CLNK: variants seen among roughly 807,000 people sequenced by gnomAD.
CLNK encodes cytokine dependent hematopoietic cell linker.
CLNK carries 74 observed loss-of-function variants against 68.6 expected under a neutral mutation model. That is an observed-to-expected ratio of 1.08 (90% CI 0.89 to 1.31). The LOEUF is 1.31. Ranked by LOEUF, CLNK falls within the 50% of genes most tolerant of loss-of-function variation. CLNK has a pLI of 0.00. For synonymous variants in CLNK, 198 were observed against 172.2 expected, an observed-to-expected ratio of 1.15 and a Z score of -1.17; for missense variants, 553 against 515.3, an observed-to-expected ratio of 1.07 and a Z score of -0.71.
chr4:10,641,141 G>A (rs137862422), intron 2 of CLNK, among the ~76,000 whole-genome samples: 1 of 152,342 alleles, frequency 6.6e-6, no homozygotes, highest in African/African-American at 2.4e-5. Context: ...CCCTTAAGTA[G>A]AGAAGAACAG....
the CLNK span, among the ~76,000 whole-genome samples, chr4:10,699,279 CACA>C: frequency 3.1e-5 from 2 of 65,452 alleles, no homozygotes; most frequent in African/African-American, 5.6e-5. Flanking sequence ...ACACACACAC[CACA>C]TACGTGTATA....
intron 14 of CLNK, among the ~76,000 whole-genome samples, chr4:10,524,205 A>C (rs969827966): frequency 5.9e-5 from 9 of 152,114 alleles, no homozygotes; most frequent in Admixed American, 1.3e-4. Flanking sequence ...ATGAAGCTAC[A>C]TGTCCTAGTA....
chr4:10,591,453 G>C (rs995654872), intron 3 of CLNK, among the ~76,000 whole-genome samples: 3 of 152,202 alleles, frequency 2.0e-5, no homozygotes, highest in Non-Finnish European at 4.4e-5. Context: ...GGGAGGTCTG[G>C]TGCCTAACAC....
chr4:10,511,962 G>T (rs1275540783), intron 16 of CLNK, among the ~76,000 whole-genome samples: 1 of 152,126 alleles, frequency 6.6e-6, no homozygotes, highest in East Asian at 1.9e-4. Context: ...GTGAAAACAG[G>T]TCACCTTAAA....
chr4:10,663,196 G>T (rs1183593701), intron 2 of CLNK, among the ~76,000 whole-genome samples: 1 of 152,228 alleles, frequency 6.6e-6, no homozygotes, highest in African/African-American at 2.4e-5. Flanking sequence ...GGGGCCGCTA[G>T]TGGGTCTGTC....
At chr4:10,510,186 C>T (rs535310088) in intron 16 of CLNK, among the ~76,000 whole-genome samples, 21 of 152,266 alleles carry the variant, frequency 1.4e-4, no homozygotes, top group African/African-American at 4.8e-4. Flanking sequence ...GTGAGTGTAG[C>T]TGGTGCTCAG....
At chr4:10,500,668 G>C (rs1560189646) in intron 18 of CLNK, among the ~76,000 whole-genome samples, 1 of 112,358 alleles carries the variant, frequency 8.9e-6, no homozygotes, top group Admixed American at 8.8e-5. Context: ...GTGCGTCTCT[G>C]TCTCAAAAAA....
At chr4:10,639,612 A>G (rs1186664800) in intron 2 of CLNK, among the ~76,000 whole-genome samples, 2 of 152,216 alleles carry the variant, frequency 1.3e-5, no homozygotes, top group East Asian at 1.9e-4. Flanking sequence ...TTACTCTCCA[A>G]TATGGTAGCC....
intron 11 of CLNK, among the ~76,000 whole-genome samples, chr4:10,539,037 T>C (rs1239244785): frequency 6.6e-6 from 1 of 152,262 alleles, no homozygotes; most frequent in South Asian, 2.1e-4. Context: ...GCCAGAATCA[T>C]GCTTCCTGTG....
chr4:10,529,790 T>G (rs1362438906), intron 12 of CLNK, among the ~76,000 whole-genome samples: 13 of 152,128 alleles, frequency 8.5e-5, no homozygotes, highest in Non-Finnish European at 2.9e-5. Context: ...AAGCCCTCTA[T>G]CTGGGGGAGC....
In CLNK at chr4:10,540,562, AG is replaced by A. The variant is rs1332651871; in HGVS notation, c.533del (p.Pro178LeufsTer26). On this transcript the variant is annotated frameshift_variant, in exon 11 of 19. Coordinates refer to ENST00000226951, the MANE Select transcript of CLNK (RefSeq NM_052964.4). LOFTEE classifies it high-confidence loss of function. ...AAGGTGGCCTGCTGCTCTCCGGCTC[AG>A]GGGGCAAGGGTTGGTACTTCTTCGG... is the stretch of plus-strand genomic sequence containing the variant. ...TLPKKYQPLP[P>X]EPESSRPPLS... is the part of the protein sequence containing the mutation. The A allele has an allele frequency of 6.2e-7, 1 of 1,613,864 alleles. No homozygotes were observed. The highest frequency in any genetic ancestry group is 8.5e-7 in the Non-Finnish European group (1 of 1,179,830).
intron 7 of CLNK, among the ~76,000 whole-genome samples, chr4:10,563,623 C>A (rs1358927226): frequency 1.3e-5 from 2 of 152,030 alleles, no homozygotes; most frequent in Non-Finnish European, 2.9e-5. Flanking sequence ...AAAATACTGA[C>A]AATGGCCCGG....
Position 10,587,474 on chromosome 4 carries a change from C to T in CLNK, c.84-2519G>A, listed in dbSNP as rs548248465. On this transcript the variant is annotated intron_variant, in intron 3 of 18. Transcript: ENST00000226951. ...TACACCTTTCCTCCAAGGCACTCAA[C>T]GTGCGTCACAGGAGCAATTAATTGA... Among the ~76,000 whole-genome samples, 412 of 152,322 alleles carry T rather than the reference C, an allele frequency of 2.7e-3. 3 individuals carry two copies. Among genetic ancestry groups the T allele is most frequent in the Non-Finnish European group, 3.9e-3 (263 of 68,026 alleles).
At chr4:10,575,436 T>TC (rs1720523610) in intron 4 of CLNK, among the ~76,000 whole-genome samples, 1 of 152,256 alleles carries the variant, frequency 6.6e-6, no homozygotes, top group South Asian at 2.1e-4. Flanking sequence ...GGAGGGGTCT[T>TC]CCCTGACTAC....
At chr4:10,584,848 C>T in intron 4 of CLNK, 79 bp downstream of exon 4, 1 of 1,452,734 alleles carries the variant, frequency 6.9e-7, no homozygotes, top group African/African-American at 1.4e-5. Flanking sequence ...GAAATAAAAA[C>T]AAAAAAGAAT....
the CLNK span, among the ~76,000 whole-genome samples, chr4:10,702,001 G>A: frequency 3.3e-5 from 5 of 152,192 alleles, no homozygotes; most frequent in Non-Finnish European, 7.3e-5. Flanking sequence ...TTTTCCGCTT[G>A]GCACACAGGT....
the CLNK span, among the ~76,000 whole-genome samples, chr4:10,730,283 C>G: frequency 6.6e-6 from 1 of 152,176 alleles, no homozygotes; most frequent in Non-Finnish European, 1.5e-5. Flanking sequence ...CCCCATTTCA[C>G]TAAGTGATAC....
intron 5 of CLNK, among the ~76,000 whole-genome samples, chr4:10,566,663 A>T (rs1426360986): frequency 6.6e-6 from 1 of 152,232 alleles, no homozygotes; most frequent in Non-Finnish European, 1.5e-5. Flanking sequence ...ATTTCTATAA[A>T]TTAGTAATAA....
At chr4:10,713,447 C>T in the CLNK span, among the ~76,000 whole-genome samples, 1 of 152,072 alleles carries the variant, frequency 6.6e-6, no homozygotes, top group East Asian at 1.9e-4. Context: ...CAACCTCAGC[C>T]AAAAGGAGGT....
Sources: gnomAD v4.1 joint callset for allele counts (sites outside exome capture counted in the v4.1 genomes callset) on GRCh38, gnomAD v4.1.1 for gene constraint, MANE v1.5 for transcripts, NCBI Gene and HGNC (gene_info 2026-07-23, HGNC 2026-07-21) for gene names.